The following ST8SIA1 variants were observed in gnomAD, a reference collection of about 807,000 sequenced individuals.
The protein encoded by ST8SIA1 is alpha-N-acetylneuraminide alpha-2,8-sialyltransferase.
A neutral mutation model predicts 35.9 loss-of-function variants in ST8SIA1; 16 were observed. The observed-to-expected ratio is 0.45, with a 90% CI of 0.30 to 0.68. ST8SIA1 has a LOEUF of 0.68. ST8SIA1 is among the 30% of genes least tolerant of loss of function. The pLI is 0.09. For missense variants in ST8SIA1, 383 were observed against 453.6 expected (o/e 0.84, Z 1.41); for synonymous variants, 170 against 169.6 (o/e 1.00, Z -0.02).
chr12:22,234,239 G>A (rs1465436786), intron 4 of ST8SIA1, among the ~76,000 whole-genome samples: 2 of 144,192 alleles, frequency 1.4e-5, no homozygotes, highest in African/African-American at 5.2e-5. Context: ...CAGCCTGAGT[G>A]ACAGATCAAA....
intron 4 of ST8SIA1, among the ~76,000 whole-genome samples, chr12:22,243,535 T>C (rs1319044131): frequency 6.6e-6 from 1 of 152,196 alleles, no homozygotes; most frequent in Non-Finnish European, 1.5e-5. Flanking sequence ...TGTTTGCATA[T>C]ACTGCTAGCC....
intron 1 of ST8SIA1, among the ~76,000 whole-genome samples, chr12:22,304,608 T>C (rs1490577256): frequency 1.3e-5 from 2 of 152,206 alleles, no homozygotes; most frequent in East Asian, 3.8e-4. Flanking sequence ...GTTATCTGAT[T>C]TATTGACTAA....
intron 1 of ST8SIA1, among the ~76,000 whole-genome samples, chr12:22,288,489 CT>C (rs1866132142): frequency 6.6e-6 from 1 of 152,322 alleles, no homozygotes; most frequent in African/African-American, 2.4e-5. Context: ...CCGTCCCAGC[CT>C]CATTGTTGCC....
chr12:22,301,451 G>A (rs11613570), intron 1 of ST8SIA1, among the ~76,000 whole-genome samples: 16,863 of 151,962 alleles, frequency 0.11, 1,205 homozygotes, highest in Middle Eastern at 0.24. Flanking sequence ...GCTATTGACA[G>A]CTTTTAACAA....
chr12:22,256,305 G>A (rs1457136645), intron 2 of ST8SIA1, among the ~76,000 whole-genome samples: 2 of 152,154 alleles, frequency 1.3e-5, no homozygotes, highest in Non-Finnish European at 2.9e-5. Context: ...GTGTATCTGA[G>A]TGTTCCCTGA....
chr12:22,276,854 G>GAAA (rs59035534), intron 2 of ST8SIA1, among the ~76,000 whole-genome samples: 3 of 146,754 alleles, frequency 2.0e-5, no homozygotes, highest in African/African-American at 2.5e-5. Context: ...AAATAAAATG[G>GAAA]AAAAAAAAAA....
chr12:22,266,818 TACTC>T lies in ST8SIA1; in HGVS notation c.382-11433_382-11430del, dbSNP rs142108769. ...TCTCTTGAAAAAATGTGTGTACACA[TACTC>T]ACACCCACACACATACACAAAAGTA... On this transcript the variant is annotated intron_variant, in intron 2 of 4. Transcript: ENST00000396037. 4.9e-4 allele frequency among the ~76,000 whole-genome samples: 71 copies of T among 145,830 alleles called. 1 individual carries two copies. Among genetic ancestry groups the T allele is most frequent in the African/African-American group, 1.7e-3 (67 of 38,996 alleles).
At chr12:22,286,268 T>C (rs1866100435) in intron 2 of ST8SIA1, among the ~76,000 whole-genome samples, 1 of 152,216 alleles carries the variant, frequency 6.6e-6, no homozygotes, top group African/African-American at 2.4e-5. Flanking sequence ...GGCTGTTTTA[T>C]AGAGAGTGTG....
At chr12:22,244,013 A>G (rs1413122230) in intron 4 of ST8SIA1, among the ~76,000 whole-genome samples, 1 of 147,872 alleles carries the variant, frequency 6.8e-6, no homozygotes, top group African/African-American at 2.5e-5. Context: ...CCGGGCAACA[A>G]GAATGAAATT....
intron 1 of ST8SIA1, among the ~76,000 whole-genome samples, chr12:22,292,783 G>T (rs547513890): frequency 6.6e-6 from 1 of 152,076 alleles, no homozygotes; most frequent in Non-Finnish European, 1.5e-5. Context: ...ACTGAAAAAC[G>T]ACCTATTGGG....
At chr12:22,274,638 G>C (rs1039800480) in intron 2 of ST8SIA1, among the ~76,000 whole-genome samples, 1 of 152,144 alleles carries the variant, frequency 6.6e-6, no homozygotes, top group African/African-American at 2.4e-5. Flanking sequence ...TCAAGATTAG[G>C]ATGAAGTCCT....
chr12:22,303,433 A>AGGGAAGAT (rs947235729), intron 1 of ST8SIA1, among the ~76,000 whole-genome samples: 2 of 152,120 alleles, frequency 1.3e-5, no homozygotes, highest in African/African-American at 2.4e-5. Flanking sequence ...CTCTTCCAAC[A>AGGGAAGAT]GGGAAGATGA....
intron 2 of ST8SIA1, among the ~76,000 whole-genome samples, chr12:22,277,487 C>T (rs1282937099): frequency 6.6e-6 from 1 of 151,632 alleles, no homozygotes; most frequent in Non-Finnish European, 1.5e-5. Context: ...CTGCCCCAGC[C>T]TCCTGAATAG....
intron 3 of ST8SIA1, among the ~76,000 whole-genome samples, chr12:22,252,657 T>C (rs996928769): frequency 1.3e-5 from 2 of 152,362 alleles, no homozygotes; most frequent in African/African-American, 4.8e-5. Context: ...CCAGGCACTC[T>C]AATCAGAAGC....
chr12:22,235,664 G>A, intron 4 of ST8SIA1, among the ~76,000 whole-genome samples: 1 of 152,174 alleles, frequency 6.6e-6, no homozygotes. Context: ...CCACAGTTAA[G>A]CTGGGGCACA....
chr12:22,315,518 T>C (rs1866507097), intron 1 of ST8SIA1, among the ~76,000 whole-genome samples: 1 of 152,114 alleles, frequency 6.6e-6, no homozygotes, highest in Non-Finnish European at 1.5e-5. Flanking sequence ...GAATCTAAAC[T>C]ATTTTCCTTC....
intron 1 of ST8SIA1, among the ~76,000 whole-genome samples, chr12:22,298,082 C>A (rs1356269597): frequency 6.6e-6 from 1 of 152,160 alleles, no homozygotes; most frequent in Non-Finnish European, 1.5e-5. Context: ...TAGCTGAACA[C>A]CTGGAGGTTC....
At chr12:22,249,602 T>C (rs1177330707) in intron 3 of ST8SIA1, among the ~76,000 whole-genome samples, 1 of 152,204 alleles carries the variant, frequency 6.6e-6, no homozygotes, top group Non-Finnish European at 1.5e-5. Context: ...AATAATTAAC[T>C]ATCAGCATCT....
chr12:22,227,443 G>A (rs1434497646), intron 4 of ST8SIA1, among the ~76,000 whole-genome samples: 4 of 151,880 alleles, frequency 2.6e-5, no homozygotes, highest in Non-Finnish European at 5.9e-5. Context: ...GCATGGTGGT[G>A]GGCGCCTGTA....
Sources: gnomAD v4.1 joint callset for allele counts (sites outside exome capture counted in the v4.1 genomes callset) on GRCh38, gnomAD v4.1.1 for gene constraint, MANE v1.5 for transcripts, NCBI Gene and HGNC (gene_info 2026-07-23, HGNC 2026-07-21) for gene names.